The following NUP107 variants were observed in gnomAD, a reference collection of about 807,000 sequenced individuals.
The protein encoded by NUP107 is nuclear pore complex protein Nup107.
NUP107 carries 101 observed loss-of-function variants against 141.0 expected under a neutral mutation model. The observed-to-expected ratio is 0.72, with a 90% CI of 0.61 to 0.84. The LOEUF (loss-of-function observed/expected upper bound fraction) is 0.84, where lower values mean the gene tolerates loss of function less well. NUP107 is among the 40% of genes least tolerant of loss of function. The probability of loss-of-function intolerance (pLI) is 0.00; values close to 1 mark genes in which losing one functional copy is unlikely to be tolerated. For synonymous variants in NUP107, 319 were observed against 363.9 expected (o/e 0.88, Z 1.41); for missense variants, 941 against 1,102.7 (o/e 0.85, Z 2.08).
rs879229784 is a variant in NUP107, at chr12:68,689,008, G to A, written c.55G>A (p.Val19Met). 2 of 1,613,796 alleles carry A rather than the reference G, an allele frequency of 1.2e-6. No homozygotes were observed. Among genetic ancestry groups the A allele is most frequent in the Non-Finnish European group, 8.5e-7 (1 of 1,179,794 alleles). ...ISSPVIREAE[V>M]TRTARKQSAQ... ...ATCCCCTGTAATCCGGGAGGCAGAG[G>A]TGACACGGACTGCACGGAAACAGAG... The change falls in exon 2 of 28, where the codon GTG becomes ATG. Residue 19 changes from valine to methionine, a missense_variant. Coordinates refer to ENST00000229179, the MANE Select transcript of NUP107 (RefSeq NM_020401.4).
In NUP107 at chr12:68,725,796, G is replaced by A; in HGVS notation, c.1576G>A (p.Gly526Ser). ...QKFLILGDID[G>S]LMDEFSKWLS... ...GTTTCTTATCCTGGGAGACATTGAT[G>A]GTAAGATATGGTTTTATTTTACTTT... Residue 526 changes from glycine to serine, a missense_variant and splice_region_variant, in exon 18 of 28, where the codon GGT becomes AGT. Gly to Ser is a moderately conservative substitution (Grantham distance 56). Transcript: ENST00000229179. 7.3e-7 allele frequency: 1 copy of A among 1,372,714 alleles called. No individual in the cohort carries two copies. The allele number at this position is 1,372,714 out of a possible 1,614,324, so 85.0% of individuals were successfully genotyped here. A position where few individuals can be genotyped will look rare whatever the true frequency, so the allele number is the denominator to read the frequency against.
chr12:68,704,859 C>T (rs199546082), intron 8 of NUP107, among the ~76,000 whole-genome samples: 2,223 of 145,474 alleles, frequency 0.015, 139 homozygotes, highest in Admixed American at 0.12. Flanking sequence ...TTTTTTTTTT[C>T]TTTTGTTTCT....
chr12:68,739,777 C>A (rs1236421546), intron 26 of NUP107: 1 of 150,804 alleles, frequency 6.6e-6, no homozygotes, highest in Admixed American at 6.6e-5. Context: ...GCGGAGCTTG[C>A]AGTGAGCTGA....
chr12:68,689,439 T>C (rs1875668372), intron 2 of NUP107, 94 bp from the exon 3 acceptor site: 1 of 726,994 alleles, frequency 1.4e-6, no homozygotes, highest in Non-Finnish European at 2.3e-6. Flanking sequence ...TCTTGAAAAA[T>C]GTATTCACAT....
chr12:68,719,760 G>C (rs1267247772), intron 14 of NUP107, 106 bp downstream of exon 14: 1 of 783,644 alleles, frequency 1.3e-6, no homozygotes, highest in East Asian at 2.6e-5. Flanking sequence ...GGTTTTCAGA[G>C]AATTTCCAAT....
chr12:68,739,184 T>C (rs1223608250), intron 26 of NUP107, among the ~76,000 whole-genome samples: 4 of 152,240 alleles, frequency 2.6e-5, no homozygotes. Flanking sequence ...AAATAGCATG[T>C]ATGCATGTGT....
At chr12:68,735,424 G>T in intron 26 of NUP107, 80 bp downstream of exon 26, 1 of 968,844 alleles carries the variant, frequency 1.0e-6, no homozygotes, top group Non-Finnish European at 1.7e-6. Context: ...TCTCTAAATG[G>T]GAGCATCTAC....
At chr12:68,698,416 T>C (rs754640456) in intron 6 of NUP107, among the ~76,000 whole-genome samples, 4 of 152,230 alleles carry the variant, frequency 2.6e-5, no homozygotes, top group Non-Finnish European at 5.9e-5. Context: ...AAACTAAACA[T>C]ACTATTGTCA....
intron 24 of NUP107, 60 bp from the exon 25 acceptor site, chr12:68,734,648 A>T: frequency 7.6e-7 from 1 of 1,307,192 alleles, no homozygotes; most frequent in South Asian, 1.5e-5. Context: ...ATGTTGGTGA[A>T]ACGATAAAAG....
At chr12:68,691,875 A>G (rs1783254511) in intron 4 of NUP107, 93 bp from the exon 5 acceptor site, 1 of 1,125,000 alleles carries the variant, frequency 8.9e-7, no homozygotes, top group Non-Finnish European at 1.2e-6. Flanking sequence ...CATACATATA[A>G]TTTTTAGAAA....
At chr12:68,726,183 T>C (rs1877557395) in intron 18 of NUP107, among the ~76,000 whole-genome samples, 1 of 152,184 alleles carries the variant, frequency 6.6e-6, no homozygotes, top group Non-Finnish European at 1.5e-5. Context: ...TTCTTCATTG[T>C]CTTATAGTGA....
intron 20 of NUP107, among the ~76,000 whole-genome samples, chr12:68,728,144 C>T (rs1449016343): frequency 4.0e-5 from 6 of 151,708 alleles, no homozygotes; most frequent in Non-Finnish European, 7.4e-5. Flanking sequence ...TTTAAATTAG[C>T]AGGGCACAGT....
intron 3 of NUP107, 190 bp downstream of exon 3, chr12:68,689,809 CTA>C: frequency 2.0e-6 from 1 of 501,984 alleles, no homozygotes; most frequent in South Asian, 2.9e-5. Flanking sequence ...CACACGGTAA[CTA>C]TGACATGGGT....
intron 20 of NUP107, among the ~76,000 whole-genome samples, chr12:68,730,722 T>C (rs1877786459): frequency 6.6e-6 from 1 of 152,184 alleles, no homozygotes; most frequent in African/African-American, 2.4e-5. Context: ...CCCAGCACTT[T>C]AGGAGGCCAA....
At chr12:68,695,516 C>A (rs187302939) in intron 5 of NUP107, among the ~76,000 whole-genome samples, 263 of 152,226 alleles carry the variant, frequency 1.7e-3, no homozygotes, top group African/African-American at 6.0e-3. Context: ...AAACCAGTCA[C>A]AAAAGGGCAA....
intron 8 of NUP107, among the ~76,000 whole-genome samples, chr12:68,708,870 C>A (rs904690193): frequency 6.6e-6 from 1 of 152,122 alleles, no homozygotes; most frequent in African/African-American, 2.4e-5. Flanking sequence ...CTGCCTGCCT[C>A]GGCCTCCCAA....
intron 5 of NUP107, among the ~76,000 whole-genome samples, chr12:68,692,494 G>A (rs1297850026): frequency 1.3e-5 from 2 of 151,460 alleles, no homozygotes; most frequent in African/African-American, 2.4e-5. Context: ...CAGGAGAATC[G>A]CTTGAACCCG....
intron 3 of NUP107, chr12:68,690,350 G>T: frequency 2.3e-6 from 1 of 442,138 alleles, no homozygotes; most frequent in East Asian, 4.4e-5. Flanking sequence ...AGAATCCGTT[G>T]ACTGATTAGT....
intron 26 of NUP107, among the ~76,000 whole-genome samples, chr12:68,738,823 TC>T (rs1878189849): frequency 6.6e-6 from 1 of 152,278 alleles, no homozygotes; most frequent in South Asian, 2.1e-4. Context: ...ATACAATCGT[TC>T]CTTATACAGA....
Sources: allele counts gnomAD v4.1 joint callset (sites outside exome capture counted in the v4.1 genomes callset), GRCh38; gene constraint gnomAD v4.1.1; transcripts MANE v1.5; gene names NCBI Gene and HGNC (gene_info 2026-07-23, HGNC 2026-07-21).